Variants in FCMR observed in about 807,000 individuals in gnomAD.
FCMR encodes Fc mu receptor, also known as immunoglobulin mu Fc receptor.
In FCMR, 34 loss-of-function variants were observed where a neutral mutation model predicts 41.6. That is an observed-to-expected ratio of 0.82 (90% confidence interval 0.62 to 1.09). The LOEUF is 1.09. Ranked by LOEUF, FCMR falls within the 50% of genes least tolerant of loss-of-function variation. FCMR has a pLI of 0.00. For missense variants in FCMR, 496 were observed against 512.5 expected, an observed-to-expected ratio of 0.97 and a Z score of 0.31; for synonymous variants, 209 against 211.8, an observed-to-expected ratio of 0.99 and a Z score of 0.12.
At chr1:206,905,615 T>C (rs949181432) in intron 7 of FCMR, among the ~76,000 whole-genome samples, 3 of 152,158 alleles carry the variant, frequency 2.0e-5, no homozygotes, top group African/African-American at 7.2e-5. Flanking sequence ...GGGGATAAGA[T>C]GGCAGCCCAC....
At chr1:206,906,338 C>T (rs186273746) in intron 7 of FCMR, 30 of 213,700 alleles carry the variant, frequency 1.4e-4, no homozygotes, top group African/African-American at 6.1e-4. Flanking sequence ...AGACTGAGGA[C>T]GGGAAGAAGA....
At chr1:206,907,103 T>TGGGGGGGGG (rs75679471) in intron 7 of FCMR, among the ~76,000 whole-genome samples, 4 of 43,358 alleles carry the variant, frequency 9.2e-5, no homozygotes, top group Non-Finnish European at 9.2e-5. Context: ...GGTGGGGGGG[T>TGGGGGGGGG]GGGGGGGGGG....
intron 1 of FCMR, among the ~76,000 whole-genome samples, chr1:206,918,725 A>T (rs1679302673): frequency 6.7e-6 from 1 of 149,304 alleles, no homozygotes; most frequent in Non-Finnish European, 1.5e-5. Flanking sequence ...GTATGTATGT[A>T]TGTATGTATT....
In FCMR at chr1:206,909,752, G is replaced by C; in HGVS notation, c.958C>G (p.Arg320Gly). ...GCAGCGTCCGCTCCACGAGCGCGCC[G>C]CGGGCAGGCGCTGTAGATGTTGTTT... ...SQNNIYSACP[R>G]RARGADAAGT... is the part of the protein sequence containing the mutation. Residue 320 changes from arginine to glycine, a missense_variant, in exon 6 of 8, where the codon CGG becomes GGG. Arg to Gly is a moderately radical substitution (Grantham distance 125, BLOSUM62 -2). Transcript: ENST00000367091. This position sits in a 1 kb window ranked among gnomAD's most constrained non-coding sequence, Gnocchi z 5.0. The C allele has an allele frequency of 6.8e-7, 1 of 1,463,112 alleles. No homozygotes were observed. Among genetic ancestry groups the C allele is most frequent in the Non-Finnish European group, 9.0e-7 (1 of 1,117,250 alleles). 90.6% of individuals were successfully genotyped at this position (1,463,112 alleles called of 1,614,324 possible).
chr1:206,919,040 C>T (rs977551970), intron 1 of FCMR, among the ~76,000 whole-genome samples: 8 of 152,154 alleles, frequency 5.3e-5, no homozygotes, highest in East Asian at 1.9e-4. Flanking sequence ...CACTCTACTC[C>T]GTGGCCATGC....
intron 7 of FCMR, chr1:206,906,080 A>G: frequency 2.8e-6 from 1 of 361,952 alleles, no homozygotes. Context: ...TCAAGTAATC[A>G]GTGAAAGACA....
At position 206,909,847 on chromosome 1, in the gene FCMR, C is replaced by A. The variant is rs1220352913; in HGVS notation, c.863G>T (p.Arg288Leu). Residue 288 changes from arginine (R) to leucine (L), a missense_variant, in exon 6 of 8, where the codon CGA becomes CTA. Arg to Leu is a moderately radical substitution (Grantham distance 102, BLOSUM62 -2). Coordinates refer to ENST00000367091, the MANE Select transcript of FCMR (RefSeq NM_005449.5). This position sits in a 1 kb window ranked among gnomAD's most constrained non-coding sequence, Gnocchi z 5.0. ...RRKALSRRAR[R>L]LAVRMRALES... ...CAGGGCGCGCATCCTCACGGCCAGTCGGCGGGCCCGCCTGGAGAGGGCTTC... is the reference window on the plus strand; with the variant it reads ...CAGGGCGCGCATCCTCACGGCCAGTAGGCGGGCCCGCCTGGAGAGGGCTTC... 4.3e-6 allele frequency: 6 copies of A among 1,384,482 alleles called. No individual in the cohort carries two copies. Among genetic ancestry groups the A allele is most frequent in the South Asian group, 1.7e-5 (1 of 59,906 alleles). 85.8% of individuals were successfully genotyped at this position (1,384,482 alleles called of 1,614,324 possible).
intron 1 of FCMR, among the ~76,000 whole-genome samples, chr1:206,920,183 A>C (rs866320145): frequency 1.3e-5 from 2 of 152,210 alleles, no homozygotes; most frequent in South Asian, 4.1e-4. Context: ...GGCCAGGTGC[A>C]GTGGCTCAAG....
Position 206,905,121 on chromosome 1 carries a change from G to C in FCMR, c.1071C>G (p.Ala357=). The change falls in exon 8 of 8, where the codon GCC becomes GCG. Residue 357 remains alanine, a synonymous_variant. Coordinates refer to ENST00000367091, the MANE Select transcript of FCMR (RefSeq NM_005449.5). The part of the protein sequence containing the change: ...LQVSESPWLH[A]PSLKTSCEYV... ...ATTCACAGCTGGTCTTCAGAGATGG[G>C]GCATGGAGCCAGGGAGATTCAGACA... 1 of 1,614,142 alleles carries C rather than the reference G, an allele frequency of 6.2e-7. No homozygotes were observed. Among genetic ancestry groups the C allele is most frequent in the Non-Finnish European group, 8.5e-7 (1 of 1,180,012 alleles).
Position 206,909,133 on chromosome 1 carries a change from A to G in FCMR, c.1044+329T>C, listed in dbSNP as rs1344888990. Among the ~76,000 whole-genome samples the G allele has an allele frequency of 6.6e-6, 1 of 152,058 alleles. No homozygotes were observed. Among genetic ancestry groups the G allele is most frequent in the Admixed American group, 6.5e-5 (1 of 15,268 alleles). ...ACCCCCTAGAAATCTAATCTCCTCC[A>G]CGAGAAAGCCTTTCACATAACTGTG... On this transcript the variant is annotated intron_variant, in intron 7 of 7. Transcript: ENST00000367091. This position sits in a 1 kb window ranked among gnomAD's most constrained non-coding sequence, Gnocchi z 5.0.
chr1:206,915,281 T>C (rs1035080051), intron 1 of FCMR, among the ~76,000 whole-genome samples: 40 of 152,084 alleles, frequency 2.6e-4, no homozygotes, highest in Non-Finnish European at 2.9e-5. Flanking sequence ...CCCGGGCGCC[T>C]GATGTAGGCT....
rs749762020 is a variant in FCMR at position 206,912,933 on chromosome 1, G to A, written c.483C>T (p.Thr161=). 5.6e-6 allele frequency: 9 copies of A among 1,607,860 alleles called. No homozygotes were observed. The highest frequency in any genetic ancestry group is 7.7e-6 in the Non-Finnish European group (9 of 1,174,286). ...PAYASSSKFV[T]RVTTPAQRGK... Reference sequence around the variant, plus strand: ...CCCTTGCTATGGTGAACTGACCTCTGGTTACGAATTTGGAAGAACTGGCAT... The same window carrying A: ...CCCTTGCTATGGTGAACTGACCTCTAGTTACGAATTTGGAAGAACTGGCAT... The change falls in exon 3 of 8, where the codon ACC becomes ACT. Residue 161 remains threonine, a synonymous_variant. Coordinates refer to ENST00000367091, the MANE Select transcript of FCMR (RefSeq NM_005449.5).
Position 206,905,164 on chromosome 1 carries a change from A to C in FCMR, c.1045-17T>G. ...TTCAGACACCTGGGGACAATGAAAG[A>C]AGCATCACTGGATCTGGGTAGGGTG... On this transcript the variant is annotated splice_polypyrimidine_tract_variant and intron_variant, in intron 7 of 7. Transcript: ENST00000367091. 6.2e-7 allele frequency: 1 copy of C among 1,613,880 alleles called. No homozygotes were observed. The highest frequency in any genetic ancestry group is 8.5e-7 in the Non-Finnish European group (1 of 1,179,888).
intron 7 of FCMR, among the ~76,000 whole-genome samples, chr1:206,906,979 A>G (rs953264764): frequency 2.0e-5 from 3 of 150,864 alleles, no homozygotes; most frequent in African/African-American, 4.9e-5. Flanking sequence ...ATTCCTTTCA[A>G]TGAGTACTTA....
intron 7 of FCMR, chr1:206,907,760 T>C (rs1678734700): frequency 6.7e-6 from 8 of 1,198,254 alleles, no homozygotes; most frequent in Non-Finnish European, 9.9e-6. Flanking sequence ...TGGCAATTTC[T>C]ACAGAAACAA....
chr1:206,913,679 A>G, intron 2 of FCMR, 80 bp downstream of exon 2: 1 of 1,109,848 alleles, frequency 9.0e-7, no homozygotes, highest in South Asian at 1.3e-5. Context: ...GGAGACTGTT[A>G]CAGTTAGATG....
intron 1 of FCMR, among the ~76,000 whole-genome samples, chr1:206,915,003 G>C (rs1484285804): frequency 6.6e-6 from 1 of 152,238 alleles, no homozygotes; most frequent in Non-Finnish European, 1.5e-5. Context: ...CCTCAGTGTG[G>C]TGCTGGGAGC....
At position 206,909,610 on chromosome 1, in the gene FCMR, C is replaced by A; in HGVS notation, c.986-90G>T. 1 of 1,282,386 alleles carries A rather than the reference C, an allele frequency of 7.8e-7. No individual in the cohort carries two copies. Among genetic ancestry groups the A allele is most frequent in the Non-Finnish European group, 1.0e-6 (1 of 1,000,008 alleles). 79.4% of individuals were successfully genotyped at this position (1,282,386 alleles called of 1,614,324 possible). On this transcript the variant is annotated intron_variant, in intron 6 of 7. Transcript: ENST00000367091. The surrounding 1 kb of genome is among the most constrained non-coding windows in gnomAD (Gnocchi z 5.0). The stretch of plus-strand genomic sequence containing the variant: ...CTCCCAGCTCCACCCCCGCCCCACT[C>A]CCAGCTCCACCCTGTGGGAAGCCCT...
At chr1:206,910,565 T>A (rs1678895415) in intron 4 of FCMR, among the ~76,000 whole-genome samples, 2 of 152,054 alleles carry the variant, frequency 1.3e-5, no homozygotes, top group Non-Finnish European at 2.9e-5. Flanking sequence ...CTCGAACGAG[T>A]CTCCTAACCT....
Sources: allele counts gnomAD v4.1 joint callset (sites outside exome capture counted in the v4.1 genomes callset), GRCh38; gene constraint gnomAD v4.1.1; non-coding constraint Gnocchi (gnomAD v3.1); transcripts MANE v1.5; gene names NCBI Gene and HGNC (gene_info 2026-07-23, HGNC 2026-07-21).